DNAJC6: variants seen among roughly 807,000 people sequenced by gnomAD.
DNAJC6 encodes auxilin.
DNAJC6 carries 34 observed loss-of-function variants against 110.0 expected under a neutral mutation model. The ratio of observed to expected loss-of-function variants is 0.31; its 90% CI spans 0.24 to 0.41. DNAJC6 has a LOEUF of 0.41. Among genes scored for constraint, DNAJC6 ranks in the 10% least tolerant of loss-of-function variants. The pLI is 1.00. For synonymous variants in DNAJC6, 406 were observed against 437.2 expected, an observed-to-expected ratio of 0.93 and a Z score of 0.89; for missense variants, 1,031 against 1,207.8, an observed-to-expected ratio of 0.85 and a Z score of 2.17.
chr1:65,360,554 A>G (rs1407945111), intron 1 of DNAJC6, among the ~76,000 whole-genome samples: 1 of 152,226 alleles, frequency 6.6e-6, no homozygotes, highest in Non-Finnish European at 1.5e-5. Context: ...TGAAAATGTT[A>G]CAGGGATGGA....
Position 65,395,032 on chromosome 1 carries a change from G to T in DNAJC6, c.2038G>T (p.Ala680Ser). ...AAGAAGTCCTTCGCCCACAGTACATGGTAAGGAAATATTTTATATTGTGTT... is the reference window on the plus strand; with the variant it reads ...AAGAAGTCCTTCGCCCACAGTACATTGTAAGGAAATATTTTATATTGTGTT... ...PTRSPSPTVH[A>S]SSTPAVNIQP... The change falls in exon 13 of 19, where the codon GCT becomes TCT. Residue 680 changes from alanine to serine, a missense_variant and splice_region_variant. Physicochemically the swap from Ala to Ser is moderately conservative, Grantham distance 99. Coordinates refer to ENST00000371069, the MANE Select transcript of DNAJC6 (RefSeq NM_001256864.2). The T allele has an allele frequency of 6.2e-7, 1 of 1,603,962 alleles. No individual in the cohort carries two copies. The highest frequency in any genetic ancestry group is 8.5e-7 in the Non-Finnish European group (1 of 1,177,038).
rs544209942 is a variant in DNAJC6, at chr1:65,362,693, G to A, written c.194-1942G>A. On this transcript the variant is annotated intron_variant, in intron 1 of 18. Coordinates refer to ENST00000371069, the MANE Select transcript of DNAJC6 (RefSeq NM_001256864.2). Reference sequence around the variant, plus strand: ...TTCCAGGGTCACACAGCTAGGGGTAGCAAAGCTGGGCAGGAACCCAGGTGA... The same window carrying A: ...TTCCAGGGTCACACAGCTAGGGGTAACAAAGCTGGGCAGGAACCCAGGTGA... Among the ~76,000 whole-genome samples, 102 of 152,294 alleles carry A rather than the reference G, an allele frequency of 6.7e-4. 1 individual carries two copies. In the South Asian group the frequency reaches 8.3e-3, roughly 12 times the overall value.
At chr1:65,361,952 A>G (rs1046201311) in intron 1 of DNAJC6, among the ~76,000 whole-genome samples, 1 of 152,210 alleles carries the variant, frequency 6.6e-6, no homozygotes, top group Non-Finnish European at 1.5e-5. Context: ...TGAATTTTAA[A>G]CAAAAGTAAG....
In DNAJC6 at chr1:65,309,796, A is replaced by G; in HGVS notation, c.51A>G (p.Glu17=). ...AAAAGACCAGCAACGATGGTTATGA[A>G]TCTTTGCAGCTGGTGGACAGTAACG... The part of the protein sequence containing the change: ...YRKKTSNDGY[E]SLQLVDSNGD... Residue 17 remains glutamate, a synonymous_variant, in exon 1 of 19, where the codon GAA becomes GAG. Transcript: ENST00000371069. 1 of 1,549,618 alleles carries G rather than the reference A, an allele frequency of 6.5e-7. No individual in the cohort carries two copies. The highest frequency in any genetic ancestry group is 1.7e-4 in the Middle Eastern group (1 of 5,990).
At chr1:65,265,558 G>C (rs756124793) in intron 1 of DNAJC6, among the ~76,000 whole-genome samples, 8 of 152,182 alleles carry the variant, frequency 5.3e-5, no homozygotes, top group Non-Finnish European at 1.2e-4. Context: ...TGGGGGAAGA[G>C]AGAAACGAAT....
At chr1:65,352,945 C>G (rs1645505919) in intron 1 of DNAJC6, among the ~76,000 whole-genome samples, 1 of 152,142 alleles carries the variant, frequency 6.6e-6, no homozygotes, top group Admixed American at 6.5e-5. Flanking sequence ...TATATTGTCT[C>G]CCCTGTCTCT....
chr1:65,309,588 G>T lies in DNAJC6; in HGVS notation c.-158G>T. On this transcript the variant is annotated 5_prime_UTR_variant, in exon 1 of 19. Coordinates refer to ENST00000371069, the MANE Select transcript of DNAJC6 (RefSeq NM_001256864.2). ...CGGCGGCTTCGCCTCGCCCGGCGAA[G>T]CTTCTCTCCGGTGGCCGCTCCTTCT... is the stretch of plus-strand genomic sequence containing the variant. The T allele has an allele frequency of 1.6e-6, 2 of 1,226,500 alleles. No individual in the cohort carries two copies. The highest frequency in any genetic ancestry group is 2.0e-6 in the Non-Finnish European group (2 of 981,550). 76.0% of individuals were successfully genotyped at this position (1,226,500 alleles called of 1,614,324 possible).
chr1:65,298,267 A>G (rs1157141458), intron 1 of DNAJC6, among the ~76,000 whole-genome samples: 1 of 152,164 alleles, frequency 6.6e-6, no homozygotes, highest in African/African-American at 2.4e-5. Context: ...CTAAGATTAC[A>G]ACTAGTACTT....
chr1:65,309,662 T>TA lies in DNAJC6; in HGVS notation c.-82dup. 1 of 1,452,454 alleles carries TA rather than the reference T, an allele frequency of 6.9e-7. No individual in the cohort carries two copies. Among genetic ancestry groups the TA allele is most frequent in the South Asian group, 1.4e-5 (1 of 69,892 alleles). 90.0% of individuals were successfully genotyped at this position (1,452,454 alleles called of 1,614,324 possible). Reference sequence around the variant, plus strand: ...CGGGCACTTAATTTTTTTTTTTTTTTAATTCCTTCTTCAGCCCTTTCCACC... The same window carrying TA: ...CGGGCACTTAATTTTTTTTTTTTTTTAAATTCCTTCTTCAGCCCTTTCCACC... On this transcript the variant is annotated 5_prime_UTR_variant, in exon 1 of 19. Transcript: ENST00000371069.
intron 1 of DNAJC6, among the ~76,000 whole-genome samples, chr1:65,274,995 G>A (rs1653622385): frequency 6.6e-6 from 1 of 152,166 alleles, no homozygotes. Flanking sequence ...TAGGCGCTTA[G>A]AAGACTTTAA....
chr1:65,386,775 ACT>A, intron 7 of DNAJC6, 35 bp from the exon 8 acceptor site: 1 of 1,528,912 alleles, frequency 6.5e-7, no homozygotes, highest in Non-Finnish European at 9.1e-7. Context: ...ACCAGATTGG[ACT>A]CTCTTTCAAT....
At chr1:65,307,408 ACAAAGGCATATG>A (rs1645054582), upstream of DNAJC6, among the ~76,000 whole-genome samples, 1 of 152,212 alleles carries the variant, frequency 6.6e-6, no homozygotes, top group African/African-American at 2.4e-5. Flanking sequence ...ATTGAAAAAT[ACAAAGGCATATG>A]TCTCATCTAT....
In DNAJC6 at chr1:65,414,544, G is replaced by A. The variant is rs1467839707; in HGVS notation, c.*1519G>A. 1 of 152,478 alleles carries A rather than the reference G, an allele frequency of 6.6e-6. No homozygotes were observed. Among genetic ancestry groups the A allele is most frequent in the Non-Finnish European group, 1.5e-5 (1 of 68,010 alleles). 9.4% of individuals were successfully genotyped at this position (152,478 alleles called of 1,614,324 possible). A position where few individuals can be genotyped will look rare whatever the true frequency, so the allele number is the denominator to read the frequency against. On this transcript the variant is annotated 3_prime_UTR_variant, in exon 19 of 19. Transcript: ENST00000371069. ...TTGTGGCAAGCTATACCGGAAAAGC[G>A]GCATGTCAAAAATACTTTAGGTTCT...
intron 12 of DNAJC6, among the ~76,000 whole-genome samples, chr1:65,393,765 G>A (rs1645951413): frequency 1.3e-5 from 2 of 152,170 alleles, no homozygotes; most frequent in Non-Finnish European, 2.9e-5. Context: ...ATTAGGAAGG[G>A]TAAAGAGAAA....
intron 1 of DNAJC6, among the ~76,000 whole-genome samples, chr1:65,353,702 A>G (rs1033140135): frequency 2.0e-5 from 3 of 152,152 alleles, no homozygotes; most frequent in Middle Eastern, 3.2e-3. Flanking sequence ...AAGAGGAGCT[A>G]GTATTGGTTT....
At chr1:65,324,150 G>A (rs367556700) in intron 1 of DNAJC6, among the ~76,000 whole-genome samples, 1 of 151,774 alleles carries the variant, frequency 6.6e-6, no homozygotes, top group Non-Finnish European at 1.5e-5. Flanking sequence ...TTTTGGGATT[G>A]TTCATAAGTT....
chr1:65,387,213 A>G (rs890397509), intron 8 of DNAJC6, among the ~76,000 whole-genome samples: 2 of 152,234 alleles, frequency 1.3e-5, no homozygotes, highest in Admixed American at 1.3e-4. Context: ...TGCTTTTCTT[A>G]TAGTGCCCCA....
chr1:65,293,657 G>A (rs567805602), intron 1 of DNAJC6, among the ~76,000 whole-genome samples: 4 of 152,102 alleles, frequency 2.6e-5, no homozygotes, highest in Non-Finnish European at 5.9e-5. Flanking sequence ...AATGTTTGCA[G>A]CCATTTTTGC....
chr1:65,410,009 C>T (rs1646113986), intron 17 of DNAJC6, among the ~76,000 whole-genome samples: 1 of 151,970 alleles, frequency 6.6e-6, no homozygotes, highest in Admixed American at 6.6e-5. Flanking sequence ...AGCTGGGAAA[C>T]AGAGGGTGGT....
Sources: gnomAD v4.1 joint callset for allele counts (sites outside exome capture counted in the v4.1 genomes callset) on GRCh38, gnomAD v4.1.1 for gene constraint, MANE v1.5 for transcripts, NCBI Gene and HGNC (gene_info 2026-07-23, HGNC 2026-07-21) for gene names.